Variants in SAMD11 observed in about 807,000 individuals in gnomAD.
SAMD11 encodes the protein sterile alpha motif domain containing 11.
In SAMD11, 77 loss-of-function variants were observed where a neutral mutation model predicts 64.4. The observed-to-expected ratio is 1.20, with a 90% CI of 0.99 to 1.44. The LOEUF is 1.44. Among genes scored for constraint, SAMD11 ranks in the 40% most tolerant of loss-of-function variants. The pLI is 0.00. For synonymous variants in SAMD11, 658 were observed against 421.9 expected, an observed-to-expected ratio of 1.56 and a Z score of -6.86; for missense variants, 1,402 against 943.3, an observed-to-expected ratio of 1.49 and a Z score of -6.37.
In SAMD11 at chr1:939,294, G is replaced by A; in HGVS notation, c.1077G>A (p.Arg359=). 6.2e-7 allele frequency: 1 copy of A among 1,608,552 alleles called. No homozygotes were observed. ...CAGCAGAGGCGCTGCTGCTGCCGCG[G>A]GAGCTGGGGCCCAGCATGGCCCCGG... The part of the protein sequence containing the change: ...ESPQEALLLP[R]ELGPSMAPED... Residue 359 remains arginine, a synonymous_variant, in exon 7 of 14, where the codon CGG becomes CGA. Transcript: ENST00000616016.
In SAMD11 at chr1:938,549, C is replaced by T. The variant is rs376705865; in HGVS notation, c.968-491C>T. Among the ~76,000 whole-genome samples, 4 of 152,134 alleles carry T rather than the reference C, an allele frequency of 2.6e-5. No individual in the cohort carries two copies. The East Asian group carries it at 5.8e-4, about 22-fold the overall frequency. On this transcript the variant is annotated intron_variant, in intron 5 of 13. Coordinates refer to ENST00000616016, the MANE Select transcript of SAMD11 (RefSeq NM_001385641.1). ...TGGGAGTGGAGGCGCCTCGAGGCGG[C>T]CTGGGGGGCCCACAGCCCAGTGACT...
rs1641106651 is a variant in SAMD11, at chr1:930,227, C to G, written c.682C>G (p.Pro228Ala). 7 of 1,592,826 alleles carry G rather than the reference C, an allele frequency of 4.4e-6. No homozygotes were observed. Among genetic ancestry groups the G allele is most frequent in the Non-Finnish European group, 6.0e-6 (7 of 1,170,218 alleles). The change falls in exon 3 of 14, where the codon CCC (proline) becomes GCC (alanine). Residue 228 changes from proline to alanine, a missense_variant. Pro to Ala is a conservative substitution (Grantham distance 27, BLOSUM62 -1). Coordinates refer to ENST00000616016, the MANE Select transcript of SAMD11 (RefSeq NM_001385641.1). ...CCGGAACCTGAAGAAGGAGCGAACT[C>G]CCAGCTTCTCTGCCAGCGATGGTGA... ...AARNLKKERT[P>A]SFSASDGDSD...
rs1640786717 is a variant in SAMD11, at chr1:924,364, C to T, written c.-68C>T. 6.7e-6 allele frequency: 1 copy of T among 149,494 alleles called. No homozygotes were observed. Among genetic ancestry groups the T allele is most frequent in the African/African-American group, 2.4e-5 (1 of 41,150 alleles). 9.3% of individuals were successfully genotyped at this position (149,494 alleles called of 1,614,324 possible). On this transcript the variant is annotated 5_prime_UTR_variant, in exon 1 of 14. Coordinates refer to ENST00000616016, the MANE Select transcript of SAMD11 (RefSeq NM_001385641.1). ...CGCCTCCCCGGCCCCCGCGACCCAA[C>T]TCCAGCCCGGGCCGGAATAAGTTGC...
chr1:941,575 A>G (rs1266503774), intron 8 of SAMD11, among the ~76,000 whole-genome samples: 1 of 152,026 alleles, frequency 6.6e-6, no homozygotes, highest in Non-Finnish European at 1.5e-5. Context: ...CCCCGGGGTC[A>G]GTCGGGAGGG....
At chr1:930,864 A>G (rs1407055184) in intron 3 of SAMD11, among the ~76,000 whole-genome samples, 175 bp from the exon 4 acceptor site, 1 of 152,252 alleles carries the variant, frequency 6.6e-6, no homozygotes, top group African/African-American at 2.4e-5. Flanking sequence ...GGGAGGCCCC[A>G]GCATGTTGAG....
rs1641747733 is a variant in SAMD11, at chr1:941,252, T to C, written c.1304T>C (p.Leu435Pro). The C allele has an allele frequency of 1.2e-6, 2 of 1,602,732 alleles. No homozygotes were observed. The highest frequency in any genetic ancestry group is 1.3e-5 in the African/African-American group (1 of 74,826). ...GCAGGTCAGCGTCGGAAGCAGGGCC[T>C]GGCTCAGCACCGGGAGGGCGCCGCC... is the stretch of plus-strand genomic sequence containing the variant. ...STAGQRRKQG[L>P]AQHREGAAPA... Residue 435 changes from leucine to proline, a missense_variant, in exon 8 of 14, where the codon CTG (leucine) becomes CCG (proline). Leu to Pro is a moderately conservative substitution (Grantham distance 98). Transcript: ENST00000616016.
chr1:940,226 C>G (rs1641672130), intron 7 of SAMD11: 1 of 150,964 alleles, frequency 6.6e-6, no homozygotes, highest in South Asian at 2.1e-4. Flanking sequence ...TGCCTGGGGC[C>G]GCTCTGCTGG....
At chr1:928,711 G>A (rs190454872) in intron 2 of SAMD11, among the ~76,000 whole-genome samples, 20 of 152,374 alleles carry the variant, frequency 1.3e-4, no homozygotes, top group Admixed American at 4.6e-4. Context: ...GTGAGCTGTC[G>A]TGGAGAGAGC....
chr1:944,527 T>G lies in SAMD11; in HGVS notation c.*374T>G. 1.6e-6 allele frequency: 1 copy of G among 623,712 alleles called. No individual in the cohort carries two copies. Among genetic ancestry groups the G allele is most frequent in the Non-Finnish European group, 2.7e-6 (1 of 369,160 alleles). 38.6% of individuals were successfully genotyped at this position (623,712 alleles called of 1,614,324 possible). On this transcript the variant is annotated 3_prime_UTR_variant, in exon 14 of 14. Coordinates refer to ENST00000616016, the MANE Select transcript of SAMD11 (RefSeq NM_001385641.1). The stretch of plus-strand genomic sequence containing the variant: ...CCACACCAGCCCAGCCCAGCCCAGC[T>G]CTCGATACGTTTGGTCTTTCATGCT...
chr1:938,299 C>T (rs1641570232), intron 5 of SAMD11, among the ~76,000 whole-genome samples: 1 of 151,446 alleles, frequency 6.6e-6, no homozygotes, highest in South Asian at 2.1e-4. Context: ...TGGGCCTCCC[C>T]TCTGCCACCT....
In SAMD11 at chr1:942,456, G is replaced by T. The variant is rs1257662672; in HGVS notation, c.1521G>T (p.Gln507His). The change falls in exon 10 of 14, where the codon CAG (glutamine) becomes CAT (histidine). Residue 507 changes from glutamine to histidine, a missense_variant. By Grantham distance (24) the Gln-to-His change is conservative. Transcript: ENST00000616016. Reference sequence around the variant, plus strand: ...CGCAGGCGGAGATGTTCGCCTGGCAGCAGGAGCTCCTGCGGAAGCAGAACC... The same window carrying T: ...CGCAGGCGGAGATGTTCGCCTGGCATCAGGAGCTCCTGCGGAAGCAGAACC... ...PPAQAEMFAW[Q>H]QELLRKQNLA... is the part of the protein sequence containing the mutation. 6.7e-7 allele frequency: 1 copy of T among 1,487,946 alleles called. No individual in the cohort carries two copies. Among genetic ancestry groups the T allele is most frequent in the Non-Finnish European group, 8.9e-7 (1 of 1,125,458 alleles). 92.2% of individuals were successfully genotyped at this position (1,487,946 alleles called of 1,614,324 possible). A position where few individuals can be genotyped will look rare whatever the true frequency, so the allele number is the denominator to read the frequency against.
intron 5 of SAMD11, among the ~76,000 whole-genome samples, chr1:936,575 G>T (rs1391597862): frequency 6.6e-6 from 1 of 152,170 alleles, no homozygotes; most frequent in African/African-American, 2.4e-5. Flanking sequence ...GAGGGGCACA[G>T]CAGAGCCTCA....
intron 2 of SAMD11, among the ~76,000 whole-genome samples, chr1:926,990 A>T (rs1256889458): frequency 6.6e-6 from 1 of 152,106 alleles, no homozygotes; most frequent in African/African-American, 2.4e-5. Context: ...CCTGTGAGCC[A>T]TGAGTGCCGT....
chr1:926,829 T>C (rs1280629748), intron 2 of SAMD11, among the ~76,000 whole-genome samples: 1 of 151,712 alleles, frequency 6.6e-6, no homozygotes, highest in East Asian at 1.9e-4. Flanking sequence ...CTGCTGGGGG[T>C]GGGGGCTGCA....
chr1:942,736 G>A lies in SAMD11; in HGVS notation c.1731G>A (p.Gly577=). The A allele has an allele frequency of 6.8e-7, 1 of 1,477,032 alleles. No homozygotes were observed. The highest frequency in any genetic ancestry group is 8.9e-7 in the Non-Finnish European group (1 of 1,123,112). The allele number at this position is 1,477,032 out of a possible 1,614,324, so 91.5% of individuals were successfully genotyped here. The change falls in exon 11 of 14, where the codon GGG becomes GGA. Residue 577 remains glycine (G), a synonymous_variant. Transcript: ENST00000616016. ...CACTGCTGGCCCTGCCCCCCCAGGG[G>A]CCCCCGGGCTCCGGACCCCCCACCC... The part of the protein sequence containing the change: ...AAPLLALPPQ[G]PPGSGPPTPS...
chr1:931,555 G>T (rs1029531140), intron 4 of SAMD11, among the ~76,000 whole-genome samples: 4 of 152,180 alleles, frequency 2.6e-5, no homozygotes, highest in Non-Finnish European at 5.9e-5. Context: ...AACAGGGAAG[G>T]GCGTGTAGGA....
Position 944,173 on chromosome 1 carries a change from G to A in SAMD11, c.*20G>A, listed in dbSNP as rs368286567. 93 of 1,521,276 alleles carry A rather than the reference G, an allele frequency of 6.1e-5. No individual in the cohort carries two copies. The highest frequency in any genetic ancestry group is 7.7e-5 in the Non-Finnish European group (87 of 1,134,670). 94.2% of individuals were successfully genotyped at this position (1,521,276 alleles called of 1,614,324 possible). On this transcript the variant is annotated 3_prime_UTR_variant, in exon 14 of 14. Transcript: ENST00000616016. ...TGTTGAGGTTGCCGGGGGTAGGGGT[G>A]GGGCCACACAAATCTCCAGGAGCCA...
At position 938,029 on chromosome 1, in the gene SAMD11, C is replaced by T. The variant is rs538828582; in HGVS notation, c.968-1011C>T. Among the ~76,000 whole-genome samples the T allele has an allele frequency of 3.3e-5, 5 of 152,342 alleles. No homozygotes were observed. In the South Asian group the frequency reaches 1.0e-3, roughly 32 times the overall value. On this transcript the variant is annotated intron_variant, in intron 5 of 13. Coordinates refer to ENST00000616016, the MANE Select transcript of SAMD11 (RefSeq NM_001385641.1). ...GTCACAGGGGAGTGGCCCCTCACTC[C>T]ACCCAGCTAGAGCCCTCATGAGGAT... is the stretch of plus-strand genomic sequence containing the variant.
chr1:942,948 C>T lies in SAMD11; in HGVS notation c.1943C>T (p.Thr648Ile), dbSNP rs983980237. 4.5e-6 allele frequency: 7 copies of T among 1,548,378 alleles called. No individual in the cohort carries two copies. Among genetic ancestry groups the T allele is most frequent in the Admixed American group, 4.1e-5 (2 of 48,554 alleles). ...ETAAVGCRGP[T>I]PGQAPAGGAG... ...GCAGCTGTTGGGTGCAGGGGGCCCA[C>T]TCCGGGCCAAGCTCCAGCTGGAGGG... Residue 648 changes from threonine (T) to isoleucine (I), a missense_variant, in exon 11 of 14, where the codon ACT becomes ATT. By Grantham distance (89) the Thr-to-Ile change is moderately conservative. Coordinates refer to ENST00000616016, the MANE Select transcript of SAMD11 (RefSeq NM_001385641.1).
Sources: gnomAD v4.1 joint callset for allele counts (sites outside exome capture counted in the v4.1 genomes callset) on GRCh38, gnomAD v4.1.1 for gene constraint, MANE v1.5 for transcripts, NCBI Gene and HGNC (gene_info 2026-07-23, HGNC 2026-07-21) for gene names.